The following NBAS variants were observed in gnomAD, a reference collection of about 807,000 sequenced individuals.
The protein encoded by NBAS is NAG/BC035112 fusion.
A neutral mutation model predicts 302.5 loss-of-function variants in NBAS; 219 were observed. The observed-to-expected ratio is 0.72, with a 90% CI of 0.65 to 0.81. The LOEUF is 0.81. Ranked by LOEUF, NBAS falls within the 30% of genes least tolerant of loss-of-function variation. NBAS has a pLI of 0.00. For synonymous variants in NBAS, 1,118 were observed against 1,021.6 expected (o/e 1.09, Z -1.80); for missense variants, 2,932 against 2,841.6 (o/e 1.03, Z -0.72).
chr2:15,544,463 A>T (rs1664008847), intron 6 of NBAS, among the ~76,000 whole-genome samples: 1 of 152,162 alleles, frequency 6.6e-6, no homozygotes, highest in Admixed American at 6.5e-5. Flanking sequence ...AACAAATTTA[A>T]AATCAATTGG....
At chr2:14,915,058 T>A in the NBAS span, among the ~76,000 whole-genome samples, 1 of 152,216 alleles carries the variant, frequency 6.6e-6, no homozygotes, top group African/African-American at 2.4e-5. Context: ...GTCATCCACA[T>A]GGACGTGGGT....
At chr2:15,316,817 G>A (rs1196369359) in intron 38 of NBAS, among the ~76,000 whole-genome samples, 1 of 152,224 alleles carries the variant, frequency 6.6e-6, no homozygotes, top group Non-Finnish European at 1.5e-5. Flanking sequence ...ACAAAAGGCA[G>A]CAGACAACTT....
the NBAS span, among the ~76,000 whole-genome samples, chr2:14,786,476 G>C: frequency 1.7e-4 from 26 of 151,978 alleles, no homozygotes; most frequent in South Asian, 4.2e-4. Flanking sequence ...TAAATTTCCC[G>C]CTACACACTG....
intron 38 of NBAS, among the ~76,000 whole-genome samples, chr2:15,322,799 T>A (rs1428030714): frequency 6.6e-6 from 1 of 152,170 alleles, no homozygotes; most frequent in Non-Finnish European, 1.5e-5. Flanking sequence ...TGACAAATGT[T>A]TGACACTATA....
chr2:14,865,434 ACAAGAATATGAAAATC>A, the NBAS span, among the ~76,000 whole-genome samples: 2 of 152,176 alleles, frequency 1.3e-5, no homozygotes, highest in African/African-American at 4.8e-5. Flanking sequence ...CCAGAGAGGA[ACAAGAATATGAAAATC>A]CAACTTCACT....
At chr2:15,277,324 C>T (rs759246810) in intron 42 of NBAS, among the ~76,000 whole-genome samples, 2 of 152,144 alleles carry the variant, frequency 1.3e-5, no homozygotes, top group Admixed American at 6.5e-5. Flanking sequence ...TGTTATCTCA[C>T]GGGGGTCTAC....
At chr2:15,029,403 T>C in the NBAS span, among the ~76,000 whole-genome samples, 1 of 152,198 alleles carries the variant, frequency 6.6e-6, no homozygotes, top group African/African-American at 2.4e-5. Flanking sequence ...GGTTCACCAC[T>C]GTTACACTGA....
At chr2:15,122,261 T>G in the NBAS span, among the ~76,000 whole-genome samples, 69,013 of 152,034 alleles carry the variant, frequency 0.45, 18,443 homozygotes, top group Non-Finnish European at 0.58. Context: ...CTTTATAGAT[T>G]GGCTCACGAT....
Position 15,466,608 on chromosome 2 carries a change from T to C in NBAS, c.2097+721A>G, listed in dbSNP as rs566177592. On this transcript the variant is annotated intron_variant, in intron 19 of 51. Transcript: ENST00000281513. ...AATCTAACTTCAGCCCTAATTAGGA[T>C]CAAAGGTGAATCAACTAAATTCAAC... Among the ~76,000 whole-genome samples, 5 of 152,164 alleles carry C rather than the reference T, an allele frequency of 3.3e-5. No homozygotes were observed. The East Asian group carries it at 9.7e-4, about 29-fold the overall frequency.
intron 44 of NBAS, among the ~76,000 whole-genome samples, chr2:15,251,246 G>A (rs943705784): frequency 6.6e-6 from 1 of 152,164 alleles, no homozygotes; most frequent in Non-Finnish European, 1.5e-5. Flanking sequence ...TTATAAGTGG[G>A]AGCTGAACAA....
chr2:15,414,662 C>T (rs1002060001), intron 25 of NBAS, among the ~76,000 whole-genome samples: 1 of 152,050 alleles, frequency 6.6e-6, no homozygotes, highest in Non-Finnish European at 1.5e-5. Flanking sequence ...TACAAAATAT[C>T]GGCCGTGCGC....
the NBAS span, among the ~76,000 whole-genome samples, chr2:15,049,133 G>A: frequency 6.6e-6 from 1 of 152,180 alleles, no homozygotes; most frequent in African/African-American, 2.4e-5. Flanking sequence ...CAAACCTGGG[G>A]TGATGCCTCA....
the NBAS span, among the ~76,000 whole-genome samples, chr2:15,041,075 G>A: frequency 2.0e-5 from 3 of 152,042 alleles, no homozygotes; most frequent in Non-Finnish European, 2.9e-5. Context: ...CCTTCAATAG[G>A]AGCTCCCCTT....
chr2:15,327,501 T>G (rs1672124780), intron 38 of NBAS, among the ~76,000 whole-genome samples: 1 of 152,216 alleles, frequency 6.6e-6, no homozygotes, highest in South Asian at 2.1e-4. Flanking sequence ...ACTAGCCAGT[T>G]AAAGATAGGA....
chr2:15,042,738 G>A, the NBAS span, among the ~76,000 whole-genome samples: 1 of 152,192 alleles, frequency 6.6e-6, no homozygotes, highest in Non-Finnish European at 1.5e-5. Context: ...CTGGCTGCCT[G>A]CCTAACAGGA....
At chr2:15,480,674 C>T (rs1008405187) in intron 12 of NBAS, among the ~76,000 whole-genome samples, 1 of 151,348 alleles carries the variant, frequency 6.6e-6, no homozygotes, top group African/African-American at 2.4e-5. Flanking sequence ...ATAATGTGAA[C>T]AAAAATACAG....
chr2:15,491,594 G>A (rs901067790), intron 11 of NBAS, among the ~76,000 whole-genome samples: 1 of 152,222 alleles, frequency 6.6e-6, no homozygotes, highest in African/African-American at 2.4e-5. Flanking sequence ...AAATTAGCCA[G>A]GCGTGGTGGT....
chr2:15,332,199 C>T (rs949472041), intron 35 of NBAS, among the ~76,000 whole-genome samples: 2 of 152,210 alleles, frequency 1.3e-5, no homozygotes, highest in African/African-American at 4.8e-5. Flanking sequence ...AGCACAGAAA[C>T]AAGATCTTCT....
At chr2:15,019,990 G>A in the NBAS span, among the ~76,000 whole-genome samples, 982 of 152,206 alleles carry the variant, frequency 6.5e-3, 13 homozygotes, top group South Asian at 0.019. Flanking sequence ...CCTACATAGC[G>A]TTAACAGTTA....
Sources: gnomAD v4.1 joint callset for allele counts (sites outside exome capture counted in the v4.1 genomes callset) on GRCh38, gnomAD v4.1.1 for gene constraint, MANE v1.5 for transcripts, NCBI Gene and HGNC (gene_info 2026-07-23, HGNC 2026-07-21) for gene names.